Variants in BMP3 observed in about 807,000 individuals in gnomAD.
BMP3 encodes the protein bone morphogenetic protein 3 (osteogenic).
A neutral mutation model predicts 38.1 loss-of-function variants in BMP3; 23 were observed. The observed-to-expected ratio is 0.60, with a 90% CI of 0.43 to 0.86. The LOEUF (loss-of-function observed/expected upper bound fraction) is 0.86. Among genes scored for constraint, BMP3 ranks in the 40% least tolerant of loss-of-function variants. The pLI is 0.00. For missense variants in BMP3, 628 were observed against 579.6 expected, an observed-to-expected ratio of 1.08 and a Z score of -0.86; for synonymous variants, 258 against 225.7, an observed-to-expected ratio of 1.14 and a Z score of -1.28.
chr4:81,049,096 A>G (rs1459609440), intron 2 of BMP3, among the ~76,000 whole-genome samples: 2 of 152,206 alleles, frequency 1.3e-5, no homozygotes, highest in African/African-American at 4.8e-5. Context: ...CTATATAACA[A>G]AAACAGTGGA....
chr4:81,035,431 G>A (rs1162524465), intron 1 of BMP3, among the ~76,000 whole-genome samples: 8 of 151,940 alleles, frequency 5.3e-5, no homozygotes, highest in Admixed American at 4.6e-4. Flanking sequence ...GAATTAGAAG[G>A]TTACATACAT....
At chr4:81,045,642 T>C in intron 1 of BMP3, 96 bp from the exon 2 acceptor site, 1 of 1,071,148 alleles carries the variant, frequency 9.3e-7, no homozygotes, top group Non-Finnish European at 1.3e-6. Flanking sequence ...ATTTAGTTCT[T>C]ATATATAGGT....
Position 81,031,529 on chromosome 4 carries a change from G to T in BMP3, c.245G>T (p.Gly82Val), listed in dbSNP as rs1414497542. The change falls in exon 1 of 3, where the codon GGC becomes GTC. Residue 82 changes from glycine to valine, a missense_variant. Coordinates refer to ENST00000282701, the MANE Select transcript of BMP3 (RefSeq NM_001201.5). ...CGGACACCGGGCTCCCTGGAGGGAG[G>T]CTCGCAGCCCTGGCGCCCTCGGCTC... is the stretch of plus-strand genomic sequence containing the variant. Reference protein sequence around the residue: ...AARTPGSLEGGSQPWRPRLLR... With the variant: ...AARTPGSLEGVSQPWRPRLLR... 6.2e-7 allele frequency: 1 copy of T among 1,611,772 alleles called. No individual in the cohort carries two copies. Among genetic ancestry groups the T allele is most frequent in the Non-Finnish European group, 8.5e-7 (1 of 1,179,314 alleles).
intron 1 of BMP3, among the ~76,000 whole-genome samples, chr4:81,039,989 CA>C (rs1740027075): frequency 6.6e-6 from 1 of 152,146 alleles, no homozygotes; most frequent in Middle Eastern, 3.4e-3. Context: ...TCTGGATTAT[CA>C]AGGAGAAAAA....
At position 81,043,846 on chromosome 4, in the gene BMP3, C is replaced by A. The variant is rs548400837; in HGVS notation, c.317-1892C>A. ...TCAAATGATCCACCTGCCTTGGCCT[C>A]CCAAAGTGCTGGCATAACAGTCATG... is the stretch of plus-strand genomic sequence containing the variant. On this transcript the variant is annotated intron_variant, in intron 1 of 2. Coordinates refer to ENST00000282701, the MANE Select transcript of BMP3 (RefSeq NM_001201.5). Among the ~76,000 whole-genome samples the A allele has an allele frequency of 3.9e-5, 6 of 152,240 alleles. No homozygotes were observed. The East Asian group carries it at 1.2e-3, about 29-fold the overall frequency.
At position 81,031,137 on chromosome 4, in the gene BMP3, C is replaced by G; in HGVS notation, c.-148C>G. 1 of 839,076 alleles carries G rather than the reference C, an allele frequency of 1.2e-6. No individual in the cohort carries two copies. Among genetic ancestry groups the G allele is most frequent in the Non-Finnish European group, 1.8e-6 (1 of 559,512 alleles). The allele number at this position is 839,076 out of a possible 1,614,324, so 52.0% of individuals were successfully genotyped here. On this transcript the variant is annotated 5_prime_UTR_variant, in exon 1 of 3. It adds an upstream start codon to the 5' untranslated region. Coordinates refer to ENST00000282701, the MANE Select transcript of BMP3 (RefSeq NM_001201.5). ...CGCAGCAAGTGGGGCTGGCCGCTAT[C>G]TCGCTGCACCCGGCCGCGTCCCGGG...
intron 1 of BMP3, among the ~76,000 whole-genome samples, chr4:81,033,779 T>G (rs1486428688): frequency 6.6e-6 from 1 of 152,196 alleles, no homozygotes; most frequent in Non-Finnish European, 1.5e-5. Context: ...ATATCAGCAT[T>G]TCCATAACAC....
Position 81,031,593 on chromosome 4 carries a change from A to G in BMP3, c.309A>G (p.Ala103=). 2 of 1,596,320 alleles carry G rather than the reference A, an allele frequency of 1.3e-6. No homozygotes were observed. The highest frequency in any genetic ancestry group is 2.7e-5 in the African/African-American group (2 of 74,748). Residue 103 remains alanine, a synonymous_variant, in exon 1 of 3, where the codon GCA becomes GCG. Coordinates refer to ENST00000282701, the MANE Select transcript of BMP3 (RefSeq NM_001201.5). ...ACACGGTTCGCAGCTTTCGGGCGGC[A>G]GCAGCAGGTGAGTGCGCGAGGTGAG... ...EGNTVRSFRA[A]AAETLERKGL...
chr4:81,046,996 T>C (rs1029539687), intron 2 of BMP3, among the ~76,000 whole-genome samples: 3 of 152,176 alleles, frequency 2.0e-5, no homozygotes, highest in Non-Finnish European at 4.4e-5. Context: ...AAGCCCCAAA[T>C]GGTAGAAGGC....
At chr4:81,041,151 G>A (rs146179675) in intron 1 of BMP3, among the ~76,000 whole-genome samples, 20 of 152,134 alleles carry the variant, frequency 1.3e-4, no homozygotes, top group Non-Finnish European at 2.5e-4. Flanking sequence ...AAAAGTAAAA[G>A]AGCATGAAAG....
At chr4:81,035,642 A>G (rs1016133924) in intron 1 of BMP3, among the ~76,000 whole-genome samples, 1 of 151,990 alleles carries the variant, frequency 6.6e-6, no homozygotes, top group Non-Finnish European at 1.5e-5. Flanking sequence ...TTGCCAGATA[A>G]TTTTTCAAAC....
chr4:81,036,599 G>A (rs1739931031), intron 1 of BMP3, among the ~76,000 whole-genome samples: 1 of 151,902 alleles, frequency 6.6e-6, no homozygotes, highest in Admixed American at 6.6e-5. Context: ...ACTTTTCTAT[G>A]CCATGTTTCA....
rs1740511917 is a variant in BMP3 at position 81,055,034 on chromosome 4, G to T, written c.*1498G>T. On this transcript the variant is annotated 3_prime_UTR_variant, in exon 3 of 3. Transcript: ENST00000282701. Reference sequence around the variant, plus strand: ...TAAATATGTTTTGAGCATCTATTTTGTGAAAGGCACTGTGTTACCTGTGTG... The same window carrying T: ...TAAATATGTTTTGAGCATCTATTTTTTGAAAGGCACTGTGTTACCTGTGTG... The T allele has an allele frequency of 6.6e-6, 1 of 152,144 alleles. No homozygotes were observed. The highest frequency in any genetic ancestry group is 1.5e-5 in the Non-Finnish European group (1 of 68,022). The allele number at this position is 152,144 out of a possible 1,614,324, so 9.4% of individuals were successfully genotyped here. A position where few individuals can be genotyped will look rare whatever the true frequency, so the allele number is the denominator to read the frequency against.
intron 1 of BMP3, among the ~76,000 whole-genome samples, chr4:81,034,781 A>AATTTGG: frequency 6.6e-6 from 1 of 152,142 alleles, no homozygotes; most frequent in Non-Finnish European, 1.5e-5. Flanking sequence ...TGACCAAAGT[A>AATTTGG]CTTTTAAGAT....
intron 1 of BMP3, among the ~76,000 whole-genome samples, chr4:81,041,332 CA>C (rs1740069766): frequency 6.6e-6 from 1 of 152,138 alleles, no homozygotes; most frequent in Non-Finnish European, 1.5e-5. Flanking sequence ...GAGAGAAGAT[CA>C]TTAACTTACA....
At chr4:81,034,858 T>C (rs1739877614) in intron 1 of BMP3, among the ~76,000 whole-genome samples, 1 of 152,124 alleles carries the variant, frequency 6.6e-6, no homozygotes. Context: ...GCAAAGATAG[T>C]ATATAACTAA....
At chr4:81,042,372 C>G (rs1361432975) in intron 1 of BMP3, among the ~76,000 whole-genome samples, 1 of 152,184 alleles carries the variant, frequency 6.6e-6, no homozygotes, top group African/African-American at 2.4e-5. Flanking sequence ...ATCCTCGCAA[C>G]AACTCTATAG....
rs1366127187 is a variant in BMP3, at chr4:81,046,090, C to A, written c.669C>A (p.Ser223=). The A allele has an allele frequency of 1.9e-6, 3 of 1,614,134 alleles. No homozygotes were observed. Among genetic ancestry groups the A allele is most frequent in the East Asian group, 2.2e-5 (1 of 44,886 alleles). Residue 223 remains serine (S), a synonymous_variant, in exon 2 of 3, where the codon TCC becomes TCA. Coordinates refer to ENST00000282701, the MANE Select transcript of BMP3 (RefSeq NM_001201.5). The part of the protein sequence containing the change: ...EEFLIGFNIT[S]KGRQLPKRRL... ...TCCTCATAGGATTTAACATTACGTC[C>A]AAGGGACGCCAGCTGCCAAAGAGGA...
intron 1 of BMP3, among the ~76,000 whole-genome samples, chr4:81,043,657 G>A (rs560579714): frequency 2.9e-5 from 4 of 139,542 alleles, no homozygotes; most frequent in East Asian, 2.1e-4. Flanking sequence ...GTGTCATCTC[G>A]GCTCACTGCA....
Sources: gnomAD v4.1 joint callset for allele counts (sites outside exome capture counted in the v4.1 genomes callset) on GRCh38, gnomAD v4.1.1 for gene constraint, MANE v1.5 for transcripts, NCBI Gene and HGNC (gene_info 2026-07-23, HGNC 2026-07-21) for gene names.